SORCS3: variants seen among roughly 807,000 people sequenced by gnomAD.
The protein encoded by SORCS3 is sortilin related VPS10 domain containing receptor 3, also known as VPS10 domain-containing receptor SorCS3.
Under a neutral mutation model 146.3 loss-of-function variants are expected in SORCS3, and 57 were observed. That is an observed-to-expected ratio of 0.39 (90% CI 0.31 to 0.49). The LOEUF is 0.49. SORCS3 is among the 20% of genes least tolerant of loss of function. SORCS3 has a pLI of 0.92. For synonymous variants in SORCS3, 653 were observed against 618.5 expected (o/e 1.06, Z -0.83); for missense variants, 1,341 against 1,575.5 (o/e 0.85, Z 2.52).
intron 4 of SORCS3, among the ~76,000 whole-genome samples, chr10:105,037,644 C>A (rs751840758): frequency 3.3e-5 from 5 of 152,158 alleles, no homozygotes; most frequent in Non-Finnish European, 7.3e-5. Context: ...GCCTACATTT[C>A]TCCTTATGAG....
chr10:104,900,445 T>C (rs1160561435), intron 2 of SORCS3, among the ~76,000 whole-genome samples: 2 of 152,340 alleles, frequency 1.3e-5, no homozygotes, highest in Admixed American at 6.5e-5. Flanking sequence ...CAAACCATCA[T>C]ATAAATCACT....
chr10:105,076,373 G>C (rs1407915280), intron 5 of SORCS3, among the ~76,000 whole-genome samples: 1 of 152,218 alleles, frequency 6.6e-6, no homozygotes, highest in African/African-American at 2.4e-5. Flanking sequence ...TCCTGAGCTT[G>C]AGACTGAGAA....
At chr10:104,687,650 C>G (rs1339607385) in intron 1 of SORCS3, among the ~76,000 whole-genome samples, 1 of 152,024 alleles carries the variant, frequency 6.6e-6, no homozygotes, top group Non-Finnish European at 1.5e-5. Flanking sequence ...AGGTTTCAAG[C>G]TGAAGGGCAA....
At chr10:105,188,021 G>A (rs1485733631) in intron 14 of SORCS3, among the ~76,000 whole-genome samples, 1 of 152,050 alleles carries the variant, frequency 6.6e-6, no homozygotes, top group Non-Finnish European at 1.5e-5. Context: ...GGTGGTGTGT[G>A]TAACTGAGTA....
At chr10:104,979,466 G>A (rs1353273467) in intron 4 of SORCS3, among the ~76,000 whole-genome samples, 3 of 152,274 alleles carry the variant, frequency 2.0e-5, no homozygotes, top group African/African-American at 7.2e-5. Flanking sequence ...GATATCCACA[G>A]AACAACCTTG....
At chr10:105,083,811 A>G (rs1159926335) in intron 5 of SORCS3, among the ~76,000 whole-genome samples, 1 of 152,230 alleles carries the variant, frequency 6.6e-6, no homozygotes, top group Non-Finnish European at 1.5e-5. Context: ...TACAGAATGC[A>G]TTCGTATTTC....
chr10:105,163,972 C>G (rs889584658), intron 11 of SORCS3, among the ~76,000 whole-genome samples: 2 of 151,750 alleles, frequency 1.3e-5, no homozygotes, highest in Non-Finnish European at 2.9e-5. Context: ...GTCTACTCTT[C>G]CACTCTTTGC....
chr10:104,906,235 A>G (rs891617430), intron 2 of SORCS3, among the ~76,000 whole-genome samples: 3 of 152,100 alleles, frequency 2.0e-5, no homozygotes, highest in African/African-American at 7.2e-5. Context: ...CCCCAGGAAA[A>G]CTTAGTGGAA....
chr10:105,118,378 G>A (rs994647349), intron 7 of SORCS3, among the ~76,000 whole-genome samples: 6 of 152,156 alleles, frequency 3.9e-5, no homozygotes, highest in African/African-American at 1.2e-4. Flanking sequence ...AAGTGGAATT[G>A]TGAGTCAATT....
At chr10:105,234,147 G>A (rs973496683) in intron 20 of SORCS3, among the ~76,000 whole-genome samples, 8 of 151,968 alleles carry the variant, frequency 5.3e-5, no homozygotes, top group South Asian at 2.1e-4. Context: ...TGCAGGGTAC[G>A]GAATTCTAGA....
chr10:105,014,482 T>C (rs1349759781), intron 4 of SORCS3, among the ~76,000 whole-genome samples: 1 of 152,120 alleles, frequency 6.6e-6, no homozygotes, highest in African/African-American at 2.4e-5. Context: ...AAAAATGGTA[T>C]GTGAAAAGAT....
intron 2 of SORCS3, among the ~76,000 whole-genome samples, chr10:104,885,775 A>G (rs1361650055): frequency 1.3e-5 from 2 of 152,208 alleles, no homozygotes; most frequent in African/African-American, 2.4e-5. Context: ...GCACCTCAGC[A>G]CTACGAAGGA....
intron 1 of SORCS3, among the ~76,000 whole-genome samples, chr10:104,831,858 G>T (rs192399066): frequency 2.1e-3 from 324 of 152,288 alleles, no homozygotes; most frequent in Non-Finnish European, 3.8e-3. Flanking sequence ...GATGGGGGAG[G>T]GGGGTGTGGA....
At chr10:104,681,806 CT>C (rs2015980353) in intron 1 of SORCS3, among the ~76,000 whole-genome samples, 1 of 152,178 alleles carries the variant, frequency 6.6e-6, no homozygotes. Flanking sequence ...GCTCTGTCCC[CT>C]GATAGCTGCA....
At chr10:104,856,260 C>T (rs1156629508) in intron 2 of SORCS3, among the ~76,000 whole-genome samples, 1 of 151,350 alleles carries the variant, frequency 6.6e-6, no homozygotes, top group South Asian at 2.1e-4. Context: ...CCAGGTGCCC[C>T]TAATTGGTTG....
chr10:105,234,273 G>A (rs2056780627), intron 20 of SORCS3, among the ~76,000 whole-genome samples: 1 of 151,704 alleles, frequency 6.6e-6, no homozygotes, highest in Admixed American at 6.6e-5. Context: ...TTATAGGTAA[G>A]GTATTTATTT....
intron 4 of SORCS3, among the ~76,000 whole-genome samples, chr10:105,013,217 A>T (rs1358134771): frequency 2.0e-5 from 3 of 152,158 alleles, no homozygotes; most frequent in Admixed American, 2.0e-4. Context: ...ACAAAAAATT[A>T]TTAGCAAACT....
chr10:104,928,029 A>T (rs2019166597), intron 3 of SORCS3, among the ~76,000 whole-genome samples: 1 of 152,140 alleles, frequency 6.6e-6, no homozygotes, highest in South Asian at 2.1e-4. Flanking sequence ...TGGGATTTGG[A>T]AAAGGAGGGA....
chr10:104,988,675 A>G (rs1377672348), intron 4 of SORCS3, among the ~76,000 whole-genome samples: 1 of 152,204 alleles, frequency 6.6e-6, no homozygotes, highest in African/African-American at 2.4e-5. Flanking sequence ...TATGGTAATG[A>G]AGAGAGAAGT....
Sources: gnomAD v4.1 joint callset for allele counts (sites outside exome capture counted in the v4.1 genomes callset) on GRCh38, gnomAD v4.1.1 for gene constraint, MANE v1.5 for transcripts, NCBI Gene and HGNC (gene_info 2026-07-23, HGNC 2026-07-21) for gene names.